The following TFDP2 variants were observed in gnomAD, a reference collection of about 807,000 sequenced individuals.
TFDP2 encodes the protein transcription factor Dp-2.
In TFDP2, 17 loss-of-function variants were observed where a neutral mutation model predicts 59.3. The ratio of observed to expected loss-of-function variants is 0.29; its 90% confidence interval spans 0.20 to 0.43. TFDP2 has a LOEUF of 0.43. Ranked by LOEUF, TFDP2 falls within the 20% of genes least tolerant of loss-of-function variation. The pLI, the probability that TFDP2 is intolerant of heterozygous loss-of-function variation, is 1.00. For missense variants in TFDP2, 391 were observed against 528.8 expected (o/e 0.74, Z 2.56); for synonymous variants, 180 against 194.7 (o/e 0.92, Z 0.63).
intron 3 of TFDP2, among the ~76,000 whole-genome samples, chr3:142,039,320 C>T (rs922281976): frequency 1.3e-5 from 2 of 152,042 alleles, no homozygotes; most frequent in Non-Finnish European, 2.9e-5. Context: ...CCTTAGTCTC[C>T]TCTGGTATGT....
chr3:142,133,097 C>T (rs1000239964), intron 1 of TFDP2, among the ~76,000 whole-genome samples: 1 of 150,312 alleles, frequency 6.7e-6, no homozygotes, highest in Non-Finnish European at 1.5e-5. Flanking sequence ...TTAAAACCTA[C>T]TATAAAGCTT....
intron 1 of TFDP2, among the ~76,000 whole-genome samples, chr3:142,145,873 TGTC>T (rs1041691899): frequency 1.3e-5 from 2 of 152,062 alleles, no homozygotes; most frequent in African/African-American, 4.8e-5. Context: ...GTAAGGCAAC[TGTC>T]AAAGTTCCTC....
intron 1 of TFDP2, among the ~76,000 whole-genome samples, chr3:142,127,571 C>G (rs1157078469): frequency 6.6e-6 from 1 of 152,066 alleles, no homozygotes; most frequent in African/African-American, 2.4e-5. Context: ...CTCTTGACCT[C>G]GTGATCTGCC....
intron 10 of TFDP2, among the ~76,000 whole-genome samples, chr3:141,961,570 T>A (rs910738610): frequency 5.9e-5 from 9 of 152,140 alleles, no homozygotes; most frequent in Non-Finnish European, 1.0e-4. Flanking sequence ...GAGACTATGT[T>A]AATGGTCCTC....
chr3:142,043,517 C>G, intron 3 of TFDP2: 1 of 529,546 alleles, frequency 1.9e-6, no homozygotes, highest in Non-Finnish European at 3.4e-6. Context: ...GCGCATGCCA[C>G]CACACTCGGC....
intron 10 of TFDP2, among the ~76,000 whole-genome samples, chr3:141,962,376 C>T (rs11569265): frequency 0.068 from 10,295 of 151,014 alleles, 441 homozygotes; most frequent in African/African-American, 0.12. Context: ...TTTCTTTTTT[C>T]GAGACAGAGT....
intron 3 of TFDP2, among the ~76,000 whole-genome samples, chr3:142,038,022 T>C (rs1946768356): frequency 1.3e-5 from 2 of 151,688 alleles, no homozygotes; most frequent in South Asian, 4.1e-4. Context: ...TTTTAAGGGG[T>C]TTGACATTTA....
chr3:142,037,997 A>C (rs552824881), intron 3 of TFDP2, among the ~76,000 whole-genome samples: 1 of 152,312 alleles, frequency 6.6e-6, no homozygotes, highest in African/African-American at 2.4e-5. Context: ...CTACTGAGTG[A>C]AAGAATATAA....
At chr3:141,962,705 T>C (rs970017599) in intron 10 of TFDP2, among the ~76,000 whole-genome samples, 9 of 152,106 alleles carry the variant, frequency 5.9e-5, no homozygotes, top group Non-Finnish European at 1.3e-4. Flanking sequence ...TGGCCCGGAA[T>C]CTCTGGACAC....
intron 1 of TFDP2, among the ~76,000 whole-genome samples, chr3:142,112,138 C>T (rs181161089): frequency 6.6e-6 from 1 of 152,136 alleles, no homozygotes; most frequent in Non-Finnish European, 1.5e-5. Flanking sequence ...AGCATCTGAA[C>T]CAAAGACAGA....
Position 141,975,741 on chromosome 3 carries a change from T to C in TFDP2, c.520-1550A>G, listed in dbSNP as rs190778569. On this transcript the variant is annotated intron_variant, in intron 7 of 12. Coordinates refer to ENST00000489671, the MANE Select transcript of TFDP2 (RefSeq NM_001178139.2). ...CTTGACCCTGTAGAAACAATGATAC[T>C]GTAACAACAAGTACTGGGAGGAGGC... Among the ~76,000 whole-genome samples the C allele has an allele frequency of 1.2e-3, 186 of 151,266 alleles. 1 individual carries two copies. Among genetic ancestry groups the C allele is most frequent in the African/African-American group, 4.4e-3 (181 of 41,188 alleles).
At chr3:142,038,309 G>A (rs1413060022) in intron 3 of TFDP2, among the ~76,000 whole-genome samples, 2 of 150,744 alleles carry the variant, frequency 1.3e-5, no homozygotes, top group Admixed American at 1.3e-4. Context: ...GCGTGAACCC[G>A]GGAGGCAGAG....
chr3:141,984,791 G>A (rs1941899662), intron 6 of TFDP2, among the ~76,000 whole-genome samples: 1 of 152,128 alleles, frequency 6.6e-6, no homozygotes, highest in Non-Finnish European at 1.5e-5. Context: ...GTGTATTTCT[G>A]CAAATAAGAT....
At chr3:141,984,565 T>C (rs1323136641) in intron 6 of TFDP2, among the ~76,000 whole-genome samples, 4 of 152,304 alleles carry the variant, frequency 2.6e-5, no homozygotes, top group Non-Finnish European at 4.4e-5. Flanking sequence ...TCATAGAAAG[T>C]AGAACAGAGG....
chr3:142,049,154 A>C (rs1355437), intron 3 of TFDP2, among the ~76,000 whole-genome samples: 6,521 of 152,300 alleles, frequency 0.043, 151 homozygotes, highest in South Asian at 0.07. Flanking sequence ...CAAAGAAAAT[A>C]ACAAAACAAA....
intron 3 of TFDP2, among the ~76,000 whole-genome samples, chr3:142,017,628 C>T (rs992091111): frequency 1.4e-5 from 2 of 142,670 alleles, no homozygotes; most frequent in African/African-American, 5.2e-5. Context: ...TCTTGGCTCA[C>T]TGCAACCTGT....
intron 11 of TFDP2, among the ~76,000 whole-genome samples, chr3:141,954,629 A>G (rs576149068): frequency 1.5e-4 from 9 of 60,070 alleles, no homozygotes; most frequent in Admixed American, 1.3e-3. Context: ...TGTCTCAAAA[A>G]AAACAAAAAA....
intron 3 of TFDP2, among the ~76,000 whole-genome samples, chr3:142,030,471 A>C (rs1207506096): frequency 1.3e-5 from 2 of 152,190 alleles, no homozygotes; most frequent in African/African-American, 4.8e-5. Context: ...TTAAAATCTT[A>C]CATGTTTATA....
chr3:142,038,383 C>CAA (rs1184364752), intron 3 of TFDP2, among the ~76,000 whole-genome samples: 858 of 38,272 alleles, frequency 0.022, 14 homozygotes, highest in East Asian at 0.032. Flanking sequence ...GACTCCATCT[C>CAA]AAAAAAAAAA....
Sources: gnomAD v4.1 joint callset for allele counts (sites outside exome capture counted in the v4.1 genomes callset) on GRCh38, gnomAD v4.1.1 for gene constraint, MANE v1.5 for transcripts, NCBI Gene and HGNC (gene_info 2026-07-23, HGNC 2026-07-21) for gene names.